Variants in PARD3B observed in about 807,000 individuals in gnomAD.
The protein encoded by PARD3B is partitioning defective 3 homolog B.
A neutral mutation model predicts 130.2 loss-of-function variants in PARD3B; 103 were observed. The observed-to-expected ratio is 0.79, with a 90% CI of 0.67 to 0.93. The LOEUF (loss-of-function observed/expected upper bound fraction) is 0.93. Among genes scored for constraint, PARD3B ranks in the 40% least tolerant of loss-of-function variants. The pLI is 0.00. For missense variants in PARD3B, 1,609 were observed against 1,499.2 expected, an observed-to-expected ratio of 1.07 and a Z score of -1.21; for synonymous variants, 583 against 553.2, an observed-to-expected ratio of 1.05 and a Z score of -0.76.
At chr2:205,084,919 G>T (rs994947645) in intron 4 of PARD3B, among the ~76,000 whole-genome samples, 4 of 151,672 alleles carry the variant, frequency 2.6e-5, no homozygotes, top group African/African-American at 9.7e-5. Context: ...TTTCATGTAT[G>T]CCTTTGCTTT....
At chr2:205,370,944 T>C (rs573875943) in intron 18 of PARD3B, among the ~76,000 whole-genome samples, 20 of 152,254 alleles carry the variant, frequency 1.3e-4, no homozygotes, top group African/African-American at 4.8e-4. Flanking sequence ...GTGTATGTCA[T>C]TTCATTCACA....
Position 205,375,237 on chromosome 2 carries a change from G to A in PARD3B, c.2631-25776G>A, listed in dbSNP as rs117285565. On this transcript the variant is annotated intron_variant, in intron 18 of 22. Transcript: ENST00000406610. ...TATTTATGGATAAAAATTATTTAAC[G>A]TGCATAAAGTACTGTGAAATACAAT... 2.8e-4 allele frequency among the ~76,000 whole-genome samples: 42 copies of A among 152,180 alleles called. 1 individual carries two copies. In the East Asian group the frequency reaches 5.8e-3, roughly 21 times the overall value.
At chr2:205,110,312 A>T (rs547801415) in intron 5 of PARD3B, among the ~76,000 whole-genome samples, 20 of 152,304 alleles carry the variant, frequency 1.3e-4, no homozygotes, top group African/African-American at 4.8e-4. Context: ...AAACCAAATG[A>T]AGCCTTTCAC....
intron 18 of PARD3B, among the ~76,000 whole-genome samples, chr2:205,331,513 G>C (rs2043128473): frequency 6.6e-6 from 1 of 152,004 alleles, no homozygotes; most frequent in Non-Finnish European, 1.5e-5. Flanking sequence ...CGGGCGTGGT[G>C]GTTCACACCT....
chr2:205,228,095 T>G (rs1225465376), intron 15 of PARD3B, among the ~76,000 whole-genome samples: 1 of 152,206 alleles, frequency 6.6e-6, no homozygotes, highest in Non-Finnish European at 1.5e-5. Context: ...TTTTGATCAG[T>G]TTATATTTTA....
At chr2:205,151,798 T>A (rs1016241779) in intron 10 of PARD3B, among the ~76,000 whole-genome samples, 1 of 152,200 alleles carries the variant, frequency 6.6e-6, no homozygotes, top group Non-Finnish European at 1.5e-5. Flanking sequence ...TTTGATCCTG[T>A]CATTATGATG....
At chr2:205,077,503 C>A (rs1252903131) in intron 4 of PARD3B, among the ~76,000 whole-genome samples, 1 of 152,096 alleles carries the variant, frequency 6.6e-6, no homozygotes, top group African/African-American at 2.4e-5. Context: ...TTGATGCATG[C>A]GTGCTTGATT....
intron 1 of PARD3B, among the ~76,000 whole-genome samples, chr2:204,614,545 A>G (rs1356428165): frequency 2.0e-5 from 3 of 152,194 alleles, no homozygotes; most frequent in Non-Finnish European, 4.4e-5. Flanking sequence ...AATAATGCCA[A>G]AACTCACTTC....
chr2:204,883,674 A>G (rs954684510), intron 2 of PARD3B, among the ~76,000 whole-genome samples: 18 of 151,132 alleles, frequency 1.2e-4, no homozygotes, highest in Non-Finnish European at 1.6e-4. Flanking sequence ...TCGAACTCCT[A>G]ACCTTGTGAT....
chr2:204,693,019 A>T (rs1004245586), intron 2 of PARD3B, among the ~76,000 whole-genome samples: 1 of 151,996 alleles, frequency 6.6e-6, no homozygotes, highest in African/African-American at 2.4e-5. Context: ...AAAACTACTC[A>T]GTTTGAAGTT....
intron 2 of PARD3B, among the ~76,000 whole-genome samples, chr2:204,845,756 A>G (rs946502860): frequency 1.3e-5 from 2 of 152,100 alleles, no homozygotes; most frequent in East Asian, 1.9e-4. Flanking sequence ...TAACCTTCAC[A>G]ACTACACATC....
intron 2 of PARD3B, among the ~76,000 whole-genome samples, chr2:204,919,398 A>G (rs950128485): frequency 2.0e-5 from 3 of 152,214 alleles, no homozygotes. Flanking sequence ...TTTCCCAGTC[A>G]ATCCCTGACC....
At chr2:204,766,865 A>C (rs577070579) in intron 2 of PARD3B, among the ~76,000 whole-genome samples, 1 of 151,188 alleles carries the variant, frequency 6.6e-6, no homozygotes, top group South Asian at 2.1e-4. Context: ...ATTGAGGTAA[A>C]ATATTATCCA....
Position 204,931,397 on chromosome 2 carries a change from A to G in PARD3B, c.223-33755A>G, listed in dbSNP as rs774650068. ...AAAAGTACTCAATAAATGTTAGCATATCAACTTTCTTATCAATTTATGTGT... is the reference window on the plus strand; with the variant it reads ...AAAAGTACTCAATAAATGTTAGCATGTCAACTTTCTTATCAATTTATGTGT... On this transcript the variant is annotated intron_variant, in intron 2 of 22. Coordinates refer to ENST00000406610, the MANE Select transcript of PARD3B (RefSeq NM_001302769.2). 8.7e-4 allele frequency among the ~76,000 whole-genome samples: 133 copies of G among 152,210 alleles called. 1 individual carries two copies. Among genetic ancestry groups the G allele is most frequent in the Admixed American group, 2.7e-3 (41 of 15,280 alleles).
intron 1 of PARD3B, among the ~76,000 whole-genome samples, chr2:204,663,081 A>G (rs543404345): frequency 6.6e-6 from 1 of 152,302 alleles, no homozygotes; most frequent in South Asian, 2.1e-4. Context: ...TACATTTGCC[A>G]CATTTTAGTA....
Position 205,158,804 on chromosome 2 carries a change from C to A in PARD3B, c.1517C>A (p.Ser506Tyr). Reference sequence around the variant, plus strand: ...GAGATCCCCCTGAATGATTCAGGTTCTGCTGGCCTCGGGGTGAGCTTAAAA... The same window carrying A: ...GAGATCCCCCTGAATGATTCAGGTTATGCTGGCCTCGGGGTGAGCTTAAAA... The part of the protein sequence containing the change: ...TFEIPLNDSG[S>Y]AGLGVSLKGN... The change falls in exon 11 of 23, where the codon TCT (serine) becomes TAT (tyrosine). Residue 506 changes from serine (S) to tyrosine (Y), a missense_variant. By Grantham distance (144) the Ser-to-Tyr change is moderately radical. Transcript: ENST00000406610. The surrounding 1 kb of genome is among the most constrained non-coding windows in gnomAD (Gnocchi z 5.4). 6.2e-7 allele frequency: 1 copy of A among 1,614,162 alleles called. No individual in the cohort carries two copies. The highest frequency in any genetic ancestry group is 8.5e-7 in the Non-Finnish European group (1 of 1,179,996).
At chr2:205,507,859 G>A (rs1028129486) in intron 21 of PARD3B, among the ~76,000 whole-genome samples, 4 of 152,322 alleles carry the variant, frequency 2.6e-5, no homozygotes, top group African/African-American at 9.6e-5. Context: ...TGTAAAAGGA[G>A]AAAGAAAATT....
chr2:205,189,188 A>G (rs2036259900), intron 14 of PARD3B, among the ~76,000 whole-genome samples: 1 of 152,104 alleles, frequency 6.6e-6, no homozygotes, highest in South Asian at 2.1e-4. Context: ...ACATACCTGA[A>G]ACTACTCTCA....
At chr2:205,379,955 C>T (rs1335277323) in intron 18 of PARD3B, among the ~76,000 whole-genome samples, 2 of 149,316 alleles carry the variant, frequency 1.3e-5, no homozygotes, top group Non-Finnish European at 3.0e-5. Flanking sequence ...GTAGTCCCAG[C>T]TACTCAGGAG....
Sources: gnomAD v4.1 joint callset for allele counts (sites outside exome capture counted in the v4.1 genomes callset) on GRCh38, gnomAD v4.1.1 for gene constraint, Gnocchi (gnomAD v3.1) non-coding constraint, MANE v1.5 for transcripts, NCBI Gene and HGNC (gene_info 2026-07-23, HGNC 2026-07-21) for gene names.